The following SLC24A3 variants were observed in gnomAD, a reference collection of about 807,000 sequenced individuals.
SLC24A3 encodes sodium/potassium/calcium exchanger 3.
SLC24A3 carries 28 observed loss-of-function variants against 75.8 expected under a neutral mutation model. That is an observed-to-expected ratio of 0.37 (90% CI 0.27 to 0.51). The LOEUF (loss-of-function observed/expected upper bound fraction) is 0.51, where lower values mean the gene tolerates loss of function less well. Among genes scored for constraint, SLC24A3 ranks in the 20% least tolerant of loss-of-function variants. The pLI is 0.94. For synonymous variants in SLC24A3, 372 were observed against 334.1 expected, an observed-to-expected ratio of 1.11 and a Z score of -1.24; for missense variants, 663 against 847.8, an observed-to-expected ratio of 0.78 and a Z score of 2.71.
intron 3 of SLC24A3, among the ~76,000 whole-genome samples, chr20:19,519,069 G>A (rs1048536540): frequency 1.3e-5 from 2 of 152,110 alleles, no homozygotes; most frequent in Non-Finnish European, 2.9e-5. Flanking sequence ...GTCTTTTCCT[G>A]GGGTTCACTG....
At chr20:19,548,719 A>G (rs969716259) in intron 3 of SLC24A3, among the ~76,000 whole-genome samples, 1 of 152,216 alleles carries the variant, frequency 6.6e-6, no homozygotes, top group Non-Finnish European at 1.5e-5. Flanking sequence ...GGACCCACCA[A>G]GAATAATCTT....
Position 19,313,028 on chromosome 20 carries a change from C to CTTTTTTTT in SLC24A3, c.271+31960_271+31967dup, listed in dbSNP as rs747623530. On this transcript the variant is annotated intron_variant, in intron 2 of 16. Transcript: ENST00000328041. ...TTCAAGTATTCTTCCTTTTCTCTTG[C>CTTTTTTTT]TTTTTTTTTTTTTTTTTTTTTTTTT... is the stretch of plus-strand genomic sequence containing the variant. Among the ~76,000 whole-genome samples the CTTTTTTTT allele has an allele frequency of 1.3e-4, 9 of 68,322 alleles. 2 individuals carry two copies. Among genetic ancestry groups the CTTTTTTTT allele is most frequent in the Non-Finnish European group, 1.6e-4 (6 of 37,564 alleles). 44.8% of individuals were successfully genotyped at this position (68,322 alleles called of 152,430 possible). A position where few individuals can be genotyped will look rare whatever the true frequency, so the allele number is the denominator to read the frequency against.
At chr20:19,252,997 G>C (rs1284616975) in intron 1 of SLC24A3, among the ~76,000 whole-genome samples, 1 of 152,196 alleles carries the variant, frequency 6.6e-6, no homozygotes, top group African/African-American at 2.4e-5. Flanking sequence ...GTGAAGCAAG[G>C]TCATGTGGCA....
In SLC24A3 at chr20:19,685,336, A is replaced by G; in HGVS notation, c.1299A>G (p.Gly433=). Residue 433 remains glycine, a synonymous_variant, in exon 12 of 17, where the codon GGA becomes GGG. Coordinates refer to ENST00000328041, the MANE Select transcript of SLC24A3 (RefSeq NM_020689.4). ...EEEEDEDDDE[G]PYTPFDTPSG... ...AGGAGGACGAGGATGATGATGAAGG[A>G]CCGTACACACCATTCGACACCCCCT... The G allele has an allele frequency of 6.2e-7, 1 of 1,614,100 alleles. No individual in the cohort carries two copies. The highest frequency in any genetic ancestry group is 2.2e-5 in the East Asian group (1 of 44,882).
intron 2 of SLC24A3, among the ~76,000 whole-genome samples, chr20:19,314,873 C>T (rs555498425): frequency 7.9e-5 from 12 of 152,330 alleles, no homozygotes; most frequent in African/African-American, 1.9e-4. Flanking sequence ...GGAAGTCTGA[C>T]GTTTCAGATG....
chr20:19,369,624 TGAAATA>T (rs1404866313), intron 2 of SLC24A3, among the ~76,000 whole-genome samples: 1 of 152,242 alleles, frequency 6.6e-6, no homozygotes, highest in Non-Finnish European at 1.5e-5. Context: ...ACAGTGATTA[TGAAATA>T]GAATGTCCTG....
chr20:19,639,304 C>T (rs867399780), intron 6 of SLC24A3, among the ~76,000 whole-genome samples: 4 of 151,942 alleles, frequency 2.6e-5, no homozygotes, highest in African/African-American at 4.8e-5. Flanking sequence ...ATTTACAAAC[C>T]TTGAGCTAGA....
intron 6 of SLC24A3, among the ~76,000 whole-genome samples, chr20:19,597,866 C>T (rs531275682): frequency 3.1e-4 from 47 of 152,230 alleles, no homozygotes; most frequent in African/African-American, 9.6e-4. Flanking sequence ...AACATGATGA[C>T]GTCCAATTCC....
At chr20:19,507,937 A>G (rs1376349807) in intron 2 of SLC24A3, among the ~76,000 whole-genome samples, 1 of 152,192 alleles carries the variant, frequency 6.6e-6, no homozygotes, top group Admixed American at 6.5e-5. Flanking sequence ...GGTGCTGATG[A>G]CAAAGAGAGA....
intron 2 of SLC24A3, among the ~76,000 whole-genome samples, chr20:19,322,308 C>T (rs60457693): frequency 0.074 from 11,232 of 151,922 alleles, 1,348 homozygotes; most frequent in African/African-American, 0.26. Flanking sequence ...AAATATACCC[C>T]TCCCCTTTTA....
intron 2 of SLC24A3, among the ~76,000 whole-genome samples, chr20:19,417,818 A>G (rs1466328120): frequency 6.6e-6 from 1 of 152,176 alleles, no homozygotes; most frequent in African/African-American, 2.4e-5. Flanking sequence ...GAGGCATCAC[A>G]TTACAATAGT....
chr20:19,648,447 CA>C (rs1241997844), intron 6 of SLC24A3, among the ~76,000 whole-genome samples: 2 of 150,826 alleles, frequency 1.3e-5, no homozygotes, highest in African/African-American at 4.9e-5. Context: ...TTGTTTGCTT[CA>C]ACAGTTTTTT....
At chr20:19,576,228 C>T (rs915482366) in intron 3 of SLC24A3, among the ~76,000 whole-genome samples, 1 of 152,036 alleles carries the variant, frequency 6.6e-6, no homozygotes, top group African/African-American at 2.4e-5. Context: ...TTAATATATC[C>T]TTTGAAAACA....
chr20:19,402,023 T>A (rs1424967979), intron 2 of SLC24A3, among the ~76,000 whole-genome samples: 2 of 152,200 alleles, frequency 1.3e-5, no homozygotes, highest in African/African-American at 4.8e-5. Context: ...CCTTGTCTTG[T>A]TGTCTGCTTC....
At chr20:19,301,218 A>G (rs1984188625) in intron 2 of SLC24A3, among the ~76,000 whole-genome samples, 1 of 152,098 alleles carries the variant, frequency 6.6e-6, no homozygotes, top group Non-Finnish European at 1.5e-5. Flanking sequence ...GCTCTTGGGG[A>G]GAAATGTGAA....
chr20:19,642,329 G>A (rs11698952), intron 6 of SLC24A3, among the ~76,000 whole-genome samples: 5 of 152,188 alleles, frequency 3.3e-5, no homozygotes, highest in Admixed American at 3.3e-4. Context: ...CGAAATCTTA[G>A]GATCTTCTCA....
intron 2 of SLC24A3, among the ~76,000 whole-genome samples, chr20:19,383,199 C>T (rs1320756014): frequency 6.6e-6 from 1 of 152,132 alleles, no homozygotes; most frequent in East Asian, 1.9e-4. Flanking sequence ...CTTGGCTCAT[C>T]CAGTCCATTT....
At chr20:19,653,364 A>G (rs1962922628) in intron 6 of SLC24A3, among the ~76,000 whole-genome samples, 1 of 152,142 alleles carries the variant, frequency 6.6e-6, no homozygotes, top group Non-Finnish European at 1.5e-5. Flanking sequence ...TGCCAAGAAC[A>G]TTTTCCCCTG....
intron 1 of SLC24A3, among the ~76,000 whole-genome samples, chr20:19,269,598 CA>C (rs1431336813): frequency 6.6e-6 from 1 of 152,236 alleles, no homozygotes; most frequent in Admixed American, 6.5e-5. Context: ...TTCTTTCCAG[CA>C]CCCTTTGAAA....
Sources: gnomAD v4.1 joint callset for allele counts (sites outside exome capture counted in the v4.1 genomes callset) on GRCh38, gnomAD v4.1.1 for gene constraint, MANE v1.5 for transcripts, NCBI Gene and HGNC (gene_info 2026-07-23, HGNC 2026-07-21) for gene names.